The following CCNK variants were observed in gnomAD, a reference collection of about 807,000 sequenced individuals.
CCNK encodes cyclin-K.
In CCNK, 9 loss-of-function variants were observed where a neutral mutation model predicts 65.0. That is an observed-to-expected ratio of 0.14 (90% CI 0.08 to 0.24). The LOEUF is 0.24. Ranked by LOEUF, CCNK falls within the 10% of genes least tolerant of loss-of-function variation. The probability of loss-of-function intolerance (pLI) is 1.00; values close to 1 mark genes in which losing one functional copy is unlikely to be tolerated. For synonymous variants in CCNK, 279 were observed against 270.8 expected (o/e 1.03, Z -0.30); for missense variants, 474 against 720.0 (o/e 0.66, Z 3.91).
chr14:99,500,046 C>G (rs1470341909), intron 4 of CCNK: 3 of 152,156 alleles, frequency 2.0e-5, no homozygotes, highest in African/African-American at 7.2e-5. Flanking sequence ...CCACCCAAAT[C>G]CCTTTGATCC....
chr14:99,500,089 A>T (rs1896787009), intron 4 of CCNK: 1 of 152,278 alleles, frequency 6.6e-6, no homozygotes. Flanking sequence ...ATCAGTGAAC[A>T]GAAAAGATAG....
At chr14:99,499,134 G>T (rs564880582) in intron 4 of CCNK, among the ~76,000 whole-genome samples, 1 of 152,336 alleles carries the variant, frequency 6.6e-6, no homozygotes, top group Non-Finnish European at 1.5e-5. Context: ...CTGCCGCCCA[G>T]GCTCGAGCGA....
chr14:99,498,108 G>T (rs1384546753), intron 4 of CCNK, among the ~76,000 whole-genome samples: 1 of 152,210 alleles, frequency 6.6e-6, no homozygotes, highest in Non-Finnish European at 1.5e-5. Context: ...GCATCACACA[G>T]ATCTGGGACC....
Position 99,510,630 on chromosome 14 carries a change from C to A in CCNK, c.1591C>A (p.Pro531Thr). The change falls in exon 11 of 11, where the codon CCC becomes ACC. Residue 531 changes from proline to threonine, a missense_variant. This residue lies in a region of CCNK where 53 missense variants were observed against 91.4 expected (regional missense o/e 0.58). Transcript: ENST00000389879. ...PPRLPPTHAV[P>T]PHPPPGLGLP... ...ACGCCTCCCGCCTACCCACGCAGTC[C>A]CCCCTCATCCTCCTCCAGGGTTGGG... 7.1e-7 allele frequency: 1 copy of A among 1,402,888 alleles called. No individual in the cohort carries two copies. Among genetic ancestry groups the A allele is most frequent in the Non-Finnish European group, 9.3e-7 (1 of 1,078,528 alleles). 86.9% of individuals were successfully genotyped at this position (1,402,888 alleles called of 1,614,324 possible).
At chr14:99,488,551 TG>T (rs771728272) in intron 1 of CCNK, among the ~76,000 whole-genome samples, 47 of 152,282 alleles carry the variant, frequency 3.1e-4, no homozygotes, top group Non-Finnish European at 5.6e-4. Context: ...GTTAAGCTTT[TG>T]GGGGACAAGA....
Position 99,492,824 on chromosome 14 carries a change from C to T in CCNK, c.147C>T (p.Tyr49=), listed in dbSNP as rs1439968255. ...TTGATCCAGCCACCGAGGCCCGGTA[C>T]CGCCGAGAGGGCGCTCGGTTCATCT... is the stretch of plus-strand genomic sequence containing the variant. ...EGLDPATEAR[Y]RREGARFIFD... The change falls in exon 2 of 11, where the codon TAC becomes TAT. Residue 49 remains tyrosine, a synonymous_variant. Coordinates refer to ENST00000389879, the MANE Select transcript of CCNK (RefSeq NM_001099402.2). 1 of 1,611,200 alleles carries T rather than the reference C, an allele frequency of 6.2e-7. No individual in the cohort carries two copies.
chr14:99,500,937 T>A, intron 5 of CCNK, 66 bp downstream of exon 5: 1 of 977,602 alleles, frequency 1.0e-6, no homozygotes, highest in Non-Finnish European at 1.6e-6. Context: ...TTGATGACAC[T>A]CAAATTACGC....
rs1038834353 is a variant in CCNK at position 99,511,447 on chromosome 14, T to C, written c.*665T>C. Reference sequence around the variant, plus strand: ...TAAGTGTGAATGTAACAACATACTGTGAATTCCATCTTGGTTACAAATGAG... The same window carrying C: ...TAAGTGTGAATGTAACAACATACTGCGAATTCCATCTTGGTTACAAATGAG... On this transcript the variant is annotated 3_prime_UTR_variant, in exon 11 of 11. Coordinates refer to ENST00000389879, the MANE Select transcript of CCNK (RefSeq NM_001099402.2). 5.9e-5 allele frequency: 9 copies of C among 152,550 alleles called. No individual in the cohort carries two copies. Among genetic ancestry groups the C allele is most frequent in the African/African-American group, 1.7e-4 (7 of 41,464 alleles). 9.4% of individuals were successfully genotyped at this position (152,550 alleles called of 1,614,324 possible).
chr14:99,503,418 A>G, intron 8 of CCNK, 193 bp from the exon 9 acceptor site: 2 of 606,942 alleles, frequency 3.3e-6, no homozygotes, highest in Non-Finnish European at 5.9e-6. Context: ...GGTAAATGGA[A>G]AGAGGAAGGG....
At chr14:99,482,673 T>G (rs1450036409) in intron 1 of CCNK, among the ~76,000 whole-genome samples, 1 of 152,256 alleles carries the variant, frequency 6.6e-6, no homozygotes, top group Non-Finnish European at 1.5e-5. Context: ...AAATCCTGTT[T>G]AAATTTGTTC....
chr14:99,490,323 T>C (rs936644227), intron 1 of CCNK, among the ~76,000 whole-genome samples: 1 of 152,208 alleles, frequency 6.6e-6, no homozygotes, highest in African/African-American at 2.4e-5. Flanking sequence ...TGTTCTGATA[T>C]CACCTGCACC....
intron 1 of CCNK, chr14:99,491,829 C>T (rs1468427801): frequency 6.6e-6 from 1 of 152,218 alleles, no homozygotes; most frequent in Non-Finnish European, 1.5e-5. Context: ...CCTTTTGATA[C>T]CTTATTTGAA....
intron 4 of CCNK, among the ~76,000 whole-genome samples, chr14:99,498,033 T>G (rs1246144304): frequency 6.6e-6 from 1 of 152,192 alleles, no homozygotes; most frequent in Non-Finnish European, 1.5e-5. Context: ...ATGCTGTGGT[T>G]CAGTCACACC....
chr14:99,507,718 G>A (rs1897010133), intron 10 of CCNK: 2 of 154,278 alleles, frequency 1.3e-5, no homozygotes, highest in Non-Finnish European at 2.9e-5. Flanking sequence ...CTGAGATAGA[G>A]GCAGGGTTAC....
At chr14:99,496,517 T>C (rs1269864039) in intron 4 of CCNK, among the ~76,000 whole-genome samples, 1 of 151,686 alleles carries the variant, frequency 6.6e-6, no homozygotes, top group Non-Finnish European at 1.5e-5. Context: ...GAGACCATCC[T>C]GGCTAACATG....
intron 1 of CCNK, among the ~76,000 whole-genome samples, chr14:99,481,865 C>T (rs1428695051): frequency 1.3e-5 from 2 of 152,256 alleles, no homozygotes; most frequent in South Asian, 2.1e-4. Flanking sequence ...TAGTCCCAAC[C>T]TTGGCTAGGC....
intron 1 of CCNK, among the ~76,000 whole-genome samples, chr14:99,490,743 C>T (rs549573832): frequency 9.2e-5 from 14 of 152,090 alleles, no homozygotes; most frequent in Middle Eastern, 6.8e-3. Flanking sequence ...CCGGCTAACA[C>T]GGCGAAACCC....
intron 4 of CCNK, among the ~76,000 whole-genome samples, chr14:99,499,945 A>G (rs1444578536): frequency 6.6e-6 from 1 of 152,210 alleles, no homozygotes; most frequent in East Asian, 1.9e-4. Context: ...TAATGATACT[A>G]AGTAAAATGG....
intron 4 of CCNK, chr14:99,500,032 T>C (rs563082553): frequency 6.6e-6 from 1 of 152,222 alleles, no homozygotes; most frequent in Non-Finnish European, 1.5e-5. Context: ...GGAGCTATTG[T>C]ATCCCACCCA....
Sources: allele counts gnomAD v4.1 joint callset (sites outside exome capture counted in the v4.1 genomes callset), GRCh38; gene constraint gnomAD v4.1.1; regional missense constraint gnomAD v4.1.1; transcripts MANE v1.5; gene names NCBI Gene and HGNC (gene_info 2026-07-23, HGNC 2026-07-21).